The following FXR1 variants were observed in gnomAD, a reference collection of about 807,000 sequenced individuals.
FXR1 encodes the protein FMR1 autosomal homolog 1, also known as RNA-binding protein FXR1.
FXR1 carries 15 observed loss-of-function variants against 84.0 expected under a neutral mutation model. The observed-to-expected ratio is 0.18, with a 90% CI of 0.12 to 0.27. The LOEUF (loss-of-function observed/expected upper bound fraction) is 0.27. FXR1 is among the 10% of genes least tolerant of loss of function. The pLI is 1.00. For missense variants in FXR1, 480 were observed against 774.4 expected (o/e 0.62, Z 4.51); for synonymous variants, 245 against 250.7 (o/e 0.98, Z 0.21).
rs397991792 is a variant in FXR1, at chr3:180,926,507, T to TATATATA, written c.52-6827_52-6826insATATATA. Reference sequence around the variant, plus strand: ...ATATATATATATATATATATATATATTTTTTTTTCTGGCCTTTTGTTGGCA... The same window carrying TATATATA: ...ATATATATATATATATATATATATATATATATATTTTTTTTCTGGCCTTTTGTTGGCA... On this transcript the variant is annotated intron_variant, in intron 1 of 16. Coordinates refer to ENST00000357559, the MANE Select transcript of FXR1 (RefSeq NM_005087.4). Among the ~76,000 whole-genome samples, 16 of 79,188 alleles carry TATATATA rather than the reference T, an allele frequency of 2.0e-4. 1 individual carries two copies. The highest frequency in any genetic ancestry group is 3.2e-4 in the Non-Finnish European group (12 of 37,126). The allele number at this position is 79,188 out of a possible 152,430, so 52.0% of individuals were successfully genotyped here.
intron 1 of FXR1, among the ~76,000 whole-genome samples, chr3:180,927,111 C>G (rs1014713398): frequency 4.6e-5 from 7 of 152,030 alleles, no homozygotes; most frequent in African/African-American, 1.4e-4. Flanking sequence ...CCTTAAATAT[C>G]TTTTTATGAT....
chr3:180,968,868 A>G (rs1464888816), intron 14 of FXR1, among the ~76,000 whole-genome samples: 1 of 152,218 alleles, frequency 6.6e-6, no homozygotes, highest in Non-Finnish European at 1.5e-5. Flanking sequence ...AGGAGTTTCC[A>G]GAATATCCTT....
At chr3:180,931,920 T>C (rs1384997656) in intron 1 of FXR1, among the ~76,000 whole-genome samples, 1 of 151,542 alleles carries the variant, frequency 6.6e-6, no homozygotes, top group Non-Finnish European at 1.5e-5. Flanking sequence ...TTTATATTTT[T>C]GGTAGAGATG....
intron 1 of FXR1, among the ~76,000 whole-genome samples, chr3:180,929,933 T>C (rs1719684779): frequency 6.6e-6 from 1 of 152,218 alleles, no homozygotes; most frequent in Non-Finnish European, 1.5e-5. Flanking sequence ...GGCCTTACTC[T>C]AGTAAATCTT....
At chr3:180,915,880 G>A (rs1717833656) in intron 1 of FXR1, among the ~76,000 whole-genome samples, 2 of 152,196 alleles carry the variant, frequency 1.3e-5, no homozygotes, top group African/African-American at 4.8e-5. Context: ...TTAAAAAATA[G>A]TATGTACACA....
chr3:180,945,745 T>C (rs534511977), intron 3 of FXR1, among the ~76,000 whole-genome samples: 38 of 152,342 alleles, frequency 2.5e-4, no homozygotes, highest in African/African-American at 7.5e-4. Context: ...TACTGTCATA[T>C]ACCCTTTTAG....
chr3:180,946,271 A>G (rs941310359), intron 3 of FXR1, among the ~76,000 whole-genome samples: 8 of 152,230 alleles, frequency 5.3e-5, no homozygotes, highest in African/African-American at 1.7e-4. Context: ...AGGTGATGCC[A>G]TCATTCCTCT....
chr3:180,926,102 C>CT (rs999734657), intron 1 of FXR1, among the ~76,000 whole-genome samples: 13 of 151,996 alleles, frequency 8.6e-5, no homozygotes, highest in African/African-American at 3.1e-4. Flanking sequence ...GCACTTTTTT[C>CT]TTTTTTTAAC....
intron 7 of FXR1, 87 bp from the exon 8 acceptor site, chr3:180,951,211 A>G: frequency 1.3e-6 from 1 of 743,028 alleles, no homozygotes; most frequent in Non-Finnish European, 2.3e-6. Flanking sequence ...TGACAGAGTG[A>G]GACCCTGTCT....
At position 180,982,376 on chromosome 3, in the gene FXR1, C is replaced by T. The variant is rs1714653907; in HGVS notation, c.*6084C>T. 1 of 151,952 alleles carries T rather than the reference C, an allele frequency of 6.6e-6. No homozygotes were observed. Among genetic ancestry groups the T allele is most frequent in the African/African-American group, 2.4e-5 (1 of 41,378 alleles). 9.4% of individuals were successfully genotyped at this position (151,952 alleles called of 1,614,324 possible). ...CTCACATGGATAACATTTAAATGTT[C>T]AGTTTGCCTAATAGCCTTCAATGAA... On this transcript the variant is annotated 3_prime_UTR_variant, in exon 17 of 17. Coordinates refer to ENST00000357559, the MANE Select transcript of FXR1 (RefSeq NM_005087.4).
chr3:180,965,600 T>C (rs543550596), intron 13 of FXR1, among the ~76,000 whole-genome samples: 14 of 152,294 alleles, frequency 9.2e-5, no homozygotes, highest in Admixed American at 4.6e-4. Flanking sequence ...TTCAGTAGTT[T>C]AGAAAATTTC....
rs1430572822 is a variant in FXR1 at position 180,979,460 on chromosome 3, C to G, written c.*3168C>G. The G allele has an allele frequency of 6.6e-6, 1 of 152,074 alleles. No homozygotes were observed. Among genetic ancestry groups the G allele is most frequent in the Admixed American group, 6.6e-5 (1 of 15,252 alleles). The allele number at this position is 152,074 out of a possible 1,614,324, so 9.4% of individuals were successfully genotyped here. On this transcript the variant is annotated 3_prime_UTR_variant, in exon 17 of 17. Transcript: ENST00000357559. ...CAAAGAAAAGGATGTTTGTTACTGTCTCAGTCTTCCTGTCTTTGCTACACG... is the reference window on the plus strand; with the variant it reads ...CAAAGAAAAGGATGTTTGTTACTGTGTCAGTCTTCCTGTCTTTGCTACACG...
chr3:180,979,578 T>C lies in FXR1; in HGVS notation c.*3286T>C, dbSNP rs755626769. The stretch of plus-strand genomic sequence containing the variant: ...TTTTTTTTTTAATTTTAGTTCTTTA[T>C]TAGAACGTGTACTTGAATGGACTGT... On this transcript the variant is annotated 3_prime_UTR_variant, in exon 17 of 17. Coordinates refer to ENST00000357559, the MANE Select transcript of FXR1 (RefSeq NM_005087.4). 1 of 152,046 alleles carries C rather than the reference T, an allele frequency of 6.6e-6. No homozygotes were observed. The highest frequency in any genetic ancestry group is 1.5e-5 in the Non-Finnish European group (1 of 67,938). The allele number at this position is 152,046 out of a possible 1,614,324, so 9.4% of individuals were successfully genotyped here.
chr3:180,950,375 C>T lies in FXR1; in HGVS notation c.631-923C>T, dbSNP rs543772133. On this transcript the variant is annotated intron_variant, in intron 7 of 16. Coordinates refer to ENST00000357559, the MANE Select transcript of FXR1 (RefSeq NM_005087.4). ...TAGATGAATAAAACAGTTTCTTTTC[C>T]CCATTCATTTTATGACATTAGATGA... Among the ~76,000 whole-genome samples the T allele has an allele frequency of 5.9e-5, 9 of 152,056 alleles. 1 individual carries two copies. The highest frequency in any genetic ancestry group is 1.7e-4 in the African/African-American group (7 of 41,490).
At position 180,915,554 on chromosome 3, in the gene FXR1, A is replaced by T. The variant is rs1717787333; in HGVS notation, c.51+2818A>T. 2.2e-6 allele frequency: 3 copies of T among 1,346,332 alleles called. No individual in the cohort carries two copies. The Admixed American group carries it at 5.9e-5, about 27-fold the overall frequency. The allele number at this position is 1,346,332 out of a possible 1,614,324, so 83.4% of individuals were successfully genotyped here. ...GTAATTTTGGAACTCAGCAAAAACT[A>T]GAAGTTGCCTTGAGATGAGAGCTGT... On this transcript the variant is annotated intron_variant, in intron 1 of 16. Coordinates refer to ENST00000357559, the MANE Select transcript of FXR1 (RefSeq NM_005087.4).
intron 3 of FXR1, among the ~76,000 whole-genome samples, chr3:180,941,508 T>C (rs1423899216): frequency 6.6e-6 from 1 of 152,196 alleles, no homozygotes; most frequent in Non-Finnish European, 1.5e-5. Context: ...ATATAAAAGA[T>C]ATACATGGAT....
chr3:180,914,923 A>G, intron 1 of FXR1: 2 of 984,812 alleles, frequency 2.0e-6, no homozygotes, highest in Non-Finnish European at 2.4e-6. Context: ...TGTGGTCTTC[A>G]GAACTCTGGA....
chr3:180,959,859 A>G (rs1379624842), intron 10 of FXR1, among the ~76,000 whole-genome samples: 1 of 152,156 alleles, frequency 6.6e-6, no homozygotes, highest in East Asian at 1.9e-4. Flanking sequence ...TAAATGAACC[A>G]TATCTAAAAA....
chr3:180,970,263 G>T lies in FXR1; in HGVS notation c.1508G>T (p.Arg503Leu), dbSNP rs143480969. ...GAATCTCATCACAGTACTAACCGTC[G>T]TAGGCGGTCTCGTAGACGAAGGACT... ...ASESHHSTNR[R>L]RRSRRRRTDE... Residue 503 changes from arginine (R) to leucine (L), a missense_variant, in exon 15 of 17, where the codon CGT becomes CTT. Arg to Leu is a moderately radical substitution (Grantham distance 102). This residue lies in a region of FXR1 where 157 missense variants were observed against 227.8 expected (regional missense o/e 0.69). Transcript: ENST00000357559. 1 of 1,599,378 alleles carries T rather than the reference G, an allele frequency of 6.3e-7. No individual in the cohort carries two copies. The highest frequency in any genetic ancestry group is 8.6e-7 in the Non-Finnish European group (1 of 1,167,112).
Sources: gnomAD v4.1 joint callset for allele counts (sites outside exome capture counted in the v4.1 genomes callset) on GRCh38, gnomAD v4.1.1 for gene constraint, gnomAD v4.1.1 regional missense constraint, MANE v1.5 for transcripts, NCBI Gene and HGNC (gene_info 2026-07-23, HGNC 2026-07-21) for gene names.